The following GLRB variants were observed in gnomAD, a reference collection of about 807,000 sequenced individuals.
The protein encoded by GLRB is glycine receptor beta.
A neutral mutation model predicts 54.2 loss-of-function variants in GLRB; 33 were observed. The observed-to-expected ratio is 0.61, with a 90% CI of 0.46 to 0.81. The LOEUF (loss-of-function observed/expected upper bound fraction) is 0.81, where lower values mean the gene tolerates loss of function less well. Ranked by LOEUF, GLRB falls within the 40% of genes least tolerant of loss-of-function variation. The pLI is 0.00. For synonymous variants in GLRB, 209 were observed against 208.2 expected (o/e 1.00, Z -0.03); for missense variants, 572 against 584.6 (o/e 0.98, Z 0.22).
intron 2 of GLRB, among the ~76,000 whole-genome samples, chr4:157,097,772 G>A (rs1734867323): frequency 6.6e-6 from 1 of 152,194 alleles, no homozygotes; most frequent in African/African-American, 2.4e-5. Context: ...CGTAATCCCA[G>A]CACTTTGGGA....
At chr4:157,163,455 G>T (rs1185516845) in intron 9 of GLRB, among the ~76,000 whole-genome samples, 4 of 152,152 alleles carry the variant, frequency 2.6e-5, no homozygotes, top group African/African-American at 9.6e-5. Flanking sequence ...TGGAACCTAT[G>T]ATCATCACAG....
intron 2 of GLRB, among the ~76,000 whole-genome samples, chr4:157,089,471 G>A (rs1446690133): frequency 6.6e-6 from 1 of 152,064 alleles, no homozygotes. Flanking sequence ...TTTATTTTAG[G>A]TCCTTGTTAT....
At chr4:157,158,887 A>G (rs1183799047) in intron 9 of GLRB, among the ~76,000 whole-genome samples, 1 of 142,228 alleles carries the variant, frequency 7.0e-6, no homozygotes, top group African/African-American at 3.1e-5. Context: ...TGTTAGCTTG[A>G]TGGGATGGCA....
intron 2 of GLRB, among the ~76,000 whole-genome samples, chr4:157,102,354 C>T (rs1031524881): frequency 3.3e-5 from 5 of 152,098 alleles, no homozygotes; most frequent in African/African-American, 1.2e-4. Flanking sequence ...TTCCCTACCC[C>T]CAGCCTCTGC....
chr4:157,081,060 T>G (rs188920951), intron 2 of GLRB, among the ~76,000 whole-genome samples: 77 of 152,348 alleles, frequency 5.1e-4, no homozygotes, highest in Admixed American at 1.2e-3. Flanking sequence ...TCTAACCTGT[T>G]GTCTTTTGAT....
chr4:157,080,957 G>T (rs2126418191), intron 2 of GLRB, among the ~76,000 whole-genome samples: 1 of 152,210 alleles, frequency 6.6e-6, no homozygotes, highest in African/African-American at 2.4e-5. Context: ...GAGAAATAAA[G>T]GACTTGAGTT....
chr4:157,111,394 C>G (rs1735413774), intron 2 of GLRB, among the ~76,000 whole-genome samples: 1 of 151,970 alleles, frequency 6.6e-6, no homozygotes, highest in African/African-American at 2.4e-5. Flanking sequence ...AGATAGAAGA[C>G]AGTCTCTCTG....
chr4:157,092,181 G>A (rs1481123302), intron 2 of GLRB, among the ~76,000 whole-genome samples: 1 of 152,134 alleles, frequency 6.6e-6, no homozygotes, highest in Non-Finnish European at 1.5e-5. Context: ...TGAGATAAAA[G>A]TTTATTCTGG....
intron 3 of GLRB, among the ~76,000 whole-genome samples, 200 bp downstream of exon 3, chr4:157,120,862 A>G (rs539535669): frequency 6.6e-6 from 1 of 151,686 alleles, no homozygotes; most frequent in Non-Finnish European, 1.5e-5. Context: ...ATGAATTCTA[A>G]TTGTTTTATA....
intron 7 of GLRB, 145 bp downstream of exon 7, chr4:157,139,094 G>A: frequency 3.6e-6 from 2 of 555,556 alleles, no homozygotes; most frequent in Non-Finnish European, 3.2e-6. Context: ...ATATGTTTAA[G>A]TCTTTCACAG....
At chr4:157,082,528 G>A (rs1408571856) in intron 2 of GLRB, among the ~76,000 whole-genome samples, 1 of 152,108 alleles carries the variant, frequency 6.6e-6, no homozygotes, top group Non-Finnish European at 1.5e-5. Flanking sequence ...ATTACATCTG[G>A]ATTTTGTTAA....
intron 9 of GLRB, among the ~76,000 whole-genome samples, chr4:157,163,866 T>G (rs1475538159): frequency 7.6e-6 from 1 of 130,916 alleles, no homozygotes; most frequent in Non-Finnish European, 1.5e-5. Context: ...TAATATAATG[T>G]CCAGGATTTT....
intron 4 of GLRB, among the ~76,000 whole-genome samples, chr4:157,125,036 T>C (rs1328321004): frequency 6.6e-6 from 1 of 151,912 alleles, no homozygotes; most frequent in Non-Finnish European, 1.5e-5. Context: ...TAAGTCATTA[T>C]AGATACATAA....
At chr4:157,082,792 A>G (rs1422331381) in intron 2 of GLRB, among the ~76,000 whole-genome samples, 1 of 152,060 alleles carries the variant, frequency 6.6e-6, no homozygotes, top group Non-Finnish European at 1.5e-5. Context: ...CAGAATTAGG[A>G]TCCGATCTGA....
intron 2 of GLRB, among the ~76,000 whole-genome samples, chr4:157,090,493 T>C (rs1289933730): frequency 6.6e-6 from 1 of 152,078 alleles, no homozygotes; most frequent in African/African-American, 2.4e-5. Flanking sequence ...CATGCAGACA[T>C]AAAATTGAAA....
intron 2 of GLRB, among the ~76,000 whole-genome samples, chr4:157,112,874 G>A (rs915897011): frequency 1.3e-5 from 2 of 151,962 alleles, no homozygotes; most frequent in Non-Finnish European, 2.9e-5. Context: ...TCCTGGAGGG[G>A]TGACCTTGAT....
At position 157,076,199 on chromosome 4, in the gene GLRB, G is replaced by GC. The variant is rs1734019869; in HGVS notation, c.-123dup. ...TGGCGCGGGCGGCTGGGACGCAGCTGCCCCCGCTCGGCGCCCGCTGCACCC... is the reference window on the plus strand; with the variant it reads ...TGGCGCGGGCGGCTGGGACGCAGCTGCCCCCCGCTCGGCGCCCGCTGCACCC... On this transcript the variant is annotated 5_prime_UTR_variant, in exon 1 of 10. Coordinates refer to ENST00000264428, the MANE Select transcript of GLRB (RefSeq NM_000824.5). The GC allele has an allele frequency of 1.3e-5, 2 of 150,314 alleles. No homozygotes were observed. The highest frequency in any genetic ancestry group is 3.0e-5 in the Non-Finnish European group (2 of 67,486). 9.3% of individuals were successfully genotyped at this position (150,314 alleles called of 1,614,324 possible).
At chr4:157,079,375 A>C (rs146870160) in intron 2 of GLRB, among the ~76,000 whole-genome samples, 1 of 152,330 alleles carries the variant, frequency 6.6e-6, no homozygotes, top group Non-Finnish European at 1.5e-5. Context: ...TGGGAAGTAT[A>C]TTTTGTAAAG....
intron 3 of GLRB, among the ~76,000 whole-genome samples, chr4:157,121,283 A>G (rs1735808803): frequency 6.6e-6 from 1 of 151,720 alleles, no homozygotes; most frequent in African/African-American, 2.4e-5. Context: ...AACCAAAACT[A>G]TGCTTACAAT....
Sources: allele counts gnomAD v4.1 joint callset (sites outside exome capture counted in the v4.1 genomes callset), GRCh38; gene constraint gnomAD v4.1.1; transcripts MANE v1.5; gene names NCBI Gene and HGNC (gene_info 2026-07-23, HGNC 2026-07-21).